Variants in FAM135B observed in about 807,000 individuals in gnomAD.
The protein encoded by FAM135B is protein FAM135B.
A neutral mutation model predicts 127.7 loss-of-function variants in FAM135B; 43 were observed. The observed-to-expected ratio is 0.34, with a 90% confidence interval of 0.26 to 0.43. FAM135B has a LOEUF of 0.43. Ranked by LOEUF, FAM135B falls within the 20% of genes least tolerant of loss-of-function variation. The pLI, the probability that FAM135B is intolerant of heterozygous loss-of-function variation, is 1.00. For synonymous variants in FAM135B, 670 were observed against 665.1 expected, an observed-to-expected ratio of 1.01 and a Z score of -0.11; for missense variants, 1,558 against 1,725.6, an observed-to-expected ratio of 0.90 and a Z score of 1.72.
At chr8:138,162,363 G>C (rs532375364) in intron 12 of FAM135B, among the ~76,000 whole-genome samples, 1 of 152,302 alleles carries the variant, frequency 6.6e-6, no homozygotes, top group South Asian at 2.1e-4. Context: ...TACTATAAGA[G>C]TGGATGCACG....
chr8:138,206,252 C>T (rs1323349482), intron 7 of FAM135B, among the ~76,000 whole-genome samples: 15 of 151,436 alleles, frequency 9.9e-5, no homozygotes, highest in South Asian at 6.3e-4. Context: ...ATCCCCTCCA[C>T]CTACACACAG....
chr8:138,336,961 A>C (rs1331892742), intron 2 of FAM135B, among the ~76,000 whole-genome samples: 2 of 152,260 alleles, frequency 1.3e-5, no homozygotes, highest in Non-Finnish European at 2.9e-5. Flanking sequence ...ACATAGGCAA[A>C]TCAATAAACG....
chr8:138,356,190 C>G (rs1358086637), intron 2 of FAM135B, among the ~76,000 whole-genome samples: 4 of 151,998 alleles, frequency 2.6e-5, no homozygotes, highest in African/African-American at 9.7e-5. Flanking sequence ...TACCCAGTTT[C>G]AGGCATTTTG....
intron 1 of FAM135B, among the ~76,000 whole-genome samples, chr8:138,409,550 T>C (rs1833732217): frequency 6.6e-6 from 1 of 152,056 alleles, no homozygotes; most frequent in African/African-American, 2.4e-5. Flanking sequence ...ACCTTTAATT[T>C]GTAAAAATTG....
At chr8:138,353,729 G>C (rs902160368) in intron 2 of FAM135B, among the ~76,000 whole-genome samples, 2 of 152,024 alleles carry the variant, frequency 1.3e-5, no homozygotes, top group African/African-American at 4.8e-5. Flanking sequence ...TCTATGGATG[G>C]CATCAAGTGA....
intron 9 of FAM135B, among the ~76,000 whole-genome samples, chr8:138,182,827 G>T (rs1197261006): frequency 6.6e-6 from 1 of 152,214 alleles, no homozygotes; most frequent in East Asian, 1.9e-4. Context: ...ATCACTAGGA[G>T]GCTATAAGTC....
intron 9 of FAM135B, among the ~76,000 whole-genome samples, chr8:138,188,686 G>A (rs1395448837): frequency 6.6e-6 from 1 of 152,158 alleles, no homozygotes; most frequent in Non-Finnish European, 1.5e-5. Flanking sequence ...CCCATGCCCT[G>A]CCTTCCTGCA....
At chr8:138,452,999 C>T (rs1836578672) in intron 1 of FAM135B, among the ~76,000 whole-genome samples, 1 of 152,118 alleles carries the variant, frequency 6.6e-6, no homozygotes, top group African/African-American at 2.4e-5. Flanking sequence ...TCCACAATGT[C>T]CTATGACTTA....
chr8:138,310,444 G>A (rs2130890085), intron 3 of FAM135B, among the ~76,000 whole-genome samples: 1 of 152,134 alleles, frequency 6.6e-6, no homozygotes, highest in East Asian at 1.9e-4. Context: ...CAAGGTGTAT[G>A]AAAAGTGCCA....
At chr8:138,407,585 G>A (rs1587374075) in intron 1 of FAM135B, among the ~76,000 whole-genome samples, 1 of 152,234 alleles carries the variant, frequency 6.6e-6, no homozygotes, top group East Asian at 1.9e-4. Flanking sequence ...ACAGAACAGA[G>A]CCCTCAGAAA....
intron 3 of FAM135B, among the ~76,000 whole-genome samples, chr8:138,270,638 G>A (rs1479680624): frequency 6.6e-6 from 1 of 152,256 alleles, no homozygotes; most frequent in Non-Finnish European, 1.5e-5. Flanking sequence ...ATCTGGCAAA[G>A]GCCTTATTTC....
At chr8:138,441,906 A>G (rs1160707528) in intron 1 of FAM135B, 1 of 151,982 alleles carries the variant, frequency 6.6e-6, no homozygotes, top group Admixed American at 6.6e-5. Flanking sequence ...AAATAATTAC[A>G]GAGCAAAAGA....
At chr8:138,307,407 C>T (rs976567796) in intron 3 of FAM135B, among the ~76,000 whole-genome samples, 2 of 152,100 alleles carry the variant, frequency 1.3e-5, no homozygotes, top group African/African-American at 2.4e-5. Context: ...ATGTCTTTAT[C>T]AGCAGCATGA....
intron 1 of FAM135B, among the ~76,000 whole-genome samples, chr8:138,477,779 G>A (rs1430347021): frequency 6.6e-6 from 1 of 152,196 alleles, no homozygotes; most frequent in Non-Finnish European, 1.5e-5. Context: ...AATGGAATTA[G>A]GAGAAAGATA....
At chr8:138,435,257 A>C (rs566036015) in intron 1 of FAM135B, among the ~76,000 whole-genome samples, 7 of 152,274 alleles carry the variant, frequency 4.6e-5, no homozygotes, top group African/African-American at 1.7e-4. Context: ...AGATAGCTCC[A>C]TTGCACTACA....
intron 1 of FAM135B, among the ~76,000 whole-genome samples, chr8:138,408,476 T>C (rs865788233): frequency 6.6e-6 from 1 of 152,208 alleles, no homozygotes; most frequent in Non-Finnish European, 1.5e-5. Flanking sequence ...TCAGCCACTA[T>C]AGAATTGAAA....
chr8:138,153,709 C>T (rs576909567), intron 12 of FAM135B, among the ~76,000 whole-genome samples: 2 of 152,196 alleles, frequency 1.3e-5, no homozygotes, highest in African/African-American at 4.8e-5. Flanking sequence ...AGTCTGAGAT[C>T]GAACTGCAAG....
At chr8:138,297,869 AGCTGCATGGCAGGGCC>A (rs1475195185) in intron 3 of FAM135B, among the ~76,000 whole-genome samples, 1 of 152,252 alleles carries the variant, frequency 6.6e-6, no homozygotes, top group African/African-American at 2.4e-5. Context: ...TTGCTGGGCC[AGCTGCATGGCAGGGCC>A]ATTTATCAAC....
intron 1 of FAM135B, among the ~76,000 whole-genome samples, chr8:138,494,849 A>AAC (rs1554706389): frequency 0.015 from 2,188 of 150,064 alleles, 68 homozygotes; most frequent in African/African-American, 0.05. Context: ...AAAAAAAAAA[A>AAC]AAACTTAATC....
Sources: allele counts gnomAD v4.1 joint callset (sites outside exome capture counted in the v4.1 genomes callset), GRCh38; gene constraint gnomAD v4.1.1; transcripts MANE v1.5; gene names NCBI Gene and HGNC (gene_info 2026-07-23, HGNC 2026-07-21).